LRRC2: variants seen among roughly 807,000 people sequenced by gnomAD.
LRRC2 encodes leucine-rich repeat-containing protein 2.
A neutral mutation model predicts 40.2 loss-of-function variants in LRRC2; 27 were observed. The observed-to-expected ratio is 0.67, with a 90% CI of 0.49 to 0.93. The LOEUF is 0.93. Ranked by LOEUF, LRRC2 falls within the 40% of genes least tolerant of loss-of-function variation. The probability of loss-of-function intolerance (pLI) is 0.00; values close to 1 mark genes in which losing one functional copy is unlikely to be tolerated. For synonymous variants in LRRC2, 147 were observed against 158.9 expected (o/e 0.92, Z 0.56); for missense variants, 402 against 439.6 (o/e 0.91, Z 0.76).
In LRRC2 at chr3:46,529,952, C is replaced by T. The variant is rs749506459; in HGVS notation, c.726G>A (p.Leu242=). The T allele has an allele frequency of 2.5e-6, 4 of 1,613,960 alleles. No individual in the cohort carries two copies. In the African/African-American group the frequency reaches 5.3e-5, roughly 22 times the overall value. The part of the protein sequence containing the change: ...CVLRMSNLQW[L]DISSNNLTDL... ...CGGTCAGGTTATTGCTGCTGATATC[C>T]AACCACTGCAAATTCGACATCCGCA... The change falls in exon 6 of 9, where the codon TTG becomes TTA. Residue 242 remains leucine (L), a synonymous_variant. Coordinates refer to ENST00000395905, the MANE Select transcript of LRRC2 (RefSeq NM_024512.5).
intron 1 of LRRC2, among the ~76,000 whole-genome samples, chr3:46,563,985 G>GTAC (rs1340051787): frequency 6.6e-6 from 1 of 152,204 alleles, no homozygotes; most frequent in Non-Finnish European, 1.5e-5. Flanking sequence ...TACTTAGTTT[G>GTAC]TATTTCTGTT....
Position 46,530,064 on chromosome 3 carries a change from A to G in LRRC2, c.628-14T>C. On this transcript the variant is annotated splice_polypyrimidine_tract_variant and intron_variant, in intron 5 of 8. Transcript: ENST00000395905. ...CAAATTACTTAACTAGAAATGAATAACAAAATGTTCTAATTACTTTTATAA... is the reference window on the plus strand; with the variant it reads ...CAAATTACTTAACTAGAAATGAATAGCAAAATGTTCTAATTACTTTTATAA... The G allele has an allele frequency of 6.3e-7, 1 of 1,588,550 alleles. No homozygotes were observed.
At chr3:46,533,702 T>TTTCCTTCC (rs372699647) in intron 4 of LRRC2, among the ~76,000 whole-genome samples, 23,672 of 89,042 alleles carry the variant, frequency 0.27, 2,729 homozygotes, top group East Asian at 0.3. Flanking sequence ...GTATTCACAG[T>TTTCCTTCC]TTCCTTCCTT....
At chr3:46,548,560 C>T (rs146709440) in intron 2 of LRRC2, among the ~76,000 whole-genome samples, 1 of 152,226 alleles carries the variant, frequency 6.6e-6, no homozygotes, top group African/African-American at 2.4e-5. Flanking sequence ...AAAAAAAATG[C>T]CATTAGAGTT....
chr3:46,547,645 G>C (rs1472525848), intron 2 of LRRC2, among the ~76,000 whole-genome samples: 1 of 151,390 alleles, frequency 6.6e-6, no homozygotes, highest in East Asian at 1.9e-4. Flanking sequence ...AACAGAAAGA[G>C]ACTTGTCCCA....
chr3:46,530,307 T>C (rs1461496908), intron 5 of LRRC2, among the ~76,000 whole-genome samples: 2 of 152,056 alleles, frequency 1.3e-5, no homozygotes, highest in African/African-American at 4.8e-5. Context: ...AAGCTGGGCG[T>C]GGTTGCTCAT....
intron 2 of LRRC2, among the ~76,000 whole-genome samples, chr3:46,549,612 A>T (rs1052269534): frequency 4.6e-5 from 7 of 152,238 alleles, no homozygotes; most frequent in Non-Finnish European, 2.9e-5. Flanking sequence ...AGTCAAGCTC[A>T]ATCCTATGTA....
rs369355200 is a variant in LRRC2, at chr3:46,519,033, G to T, written c.1097C>A (p.Ser366Tyr). The stretch of plus-strand genomic sequence containing the variant: ...TGGATATCAAAGTTGAAGGCTAAAA[G>T]ACACTTTGGTGGTATAGCTGGGAAC... ...ESVPSYTTKV[S>Y]FSLQL Residue 366 changes from serine (S) to tyrosine (Y), a missense_variant, in exon 9 of 9, where the codon TCT (serine) becomes TAT (tyrosine). Physicochemically the swap from Ser to Tyr is moderately radical, Grantham distance 144 (BLOSUM62 -2). Transcript: ENST00000395905. The T allele has an allele frequency of 1.9e-5, 31 of 1,609,534 alleles. No homozygotes were observed. In the African/African-American group the frequency reaches 3.1e-4, roughly 16 times the overall value.
chr3:46,562,075 T>C (rs1704957167), intron 1 of LRRC2, among the ~76,000 whole-genome samples: 2 of 152,196 alleles, frequency 1.3e-5, no homozygotes, highest in African/African-American at 4.8e-5. Context: ...TCCTCCCCCC[T>C]TGAGCATGGG....
In LRRC2 at chr3:46,547,706, A is replaced by ATG. The variant is rs61273277; in HGVS notation, c.126-2455_126-2454dup. Reference sequence around the variant, plus strand: ...ATATATATAACATATGTGTGTGTGTATGTGTGTGTGTGTGTGTGTGTGTGT... The same window carrying ATG: ...ATATATATAACATATGTGTGTGTGTATGTGTGTGTGTGTGTGTGTGTGTGTGT... On this transcript the variant is annotated intron_variant, in intron 2 of 8. Coordinates refer to ENST00000395905, the MANE Select transcript of LRRC2 (RefSeq NM_024512.5). 5.1e-3 allele frequency among the ~76,000 whole-genome samples: 761 copies of ATG among 149,986 alleles called. 5 individuals are homozygous for ATG. Among genetic ancestry groups the ATG allele is most frequent in the African/African-American group, 0.017 (708 of 40,874 alleles).
intron 7 of LRRC2, among the ~76,000 whole-genome samples, chr3:46,523,732 TATCC>T (rs1704006574): frequency 6.6e-6 from 1 of 151,856 alleles, no homozygotes; most frequent in South Asian, 2.1e-4. Flanking sequence ...TCTACCCATC[TATCC>T]ATCCATCTAT....
In LRRC2 at chr3:46,539,111, A is replaced by G. The variant is rs1188003310; in HGVS notation, c.424T>C (p.Leu142=). 4 of 1,613,866 alleles carry G rather than the reference A, an allele frequency of 2.5e-6. No individual in the cohort carries two copies. The highest frequency in any genetic ancestry group is 3.4e-6 in the Non-Finnish European group (4 of 1,179,910). ...LIQIIPTYIQ[L]FQAMRILDLP... is the part of the protein sequence containing the mutation. ...TCCAGAATTCTCATCGCTTGAAATA[A>G]CTGAATATATGTAGGAATGATTTGA... The change falls in exon 4 of 9, where the codon TTA becomes CTA. Residue 142 remains leucine, a synonymous_variant. Coordinates refer to ENST00000395905, the MANE Select transcript of LRRC2 (RefSeq NM_024512.5).
At chr3:46,551,445 A>G in intron 2 of LRRC2, 22 bp downstream of exon 2, 1 of 1,611,036 alleles carries the variant, frequency 6.2e-7, no homozygotes, top group East Asian at 2.2e-5. Flanking sequence ...AAGCTACAAG[A>G]CTAGGTTGAG....
In LRRC2 at chr3:46,548,973, C is replaced by A. The variant is rs530470012; in HGVS notation, c.125+2494G>T. ...AGCTCAGGTGGTAATGCCCGCTTGC[C>A]CCCTGCACACCTCCTGCTGTGTGGC... On this transcript the variant is annotated intron_variant, in intron 2 of 8. Coordinates refer to ENST00000395905, the MANE Select transcript of LRRC2 (RefSeq NM_024512.5). Among the ~76,000 whole-genome samples the A allele has an allele frequency of 2.8e-4, 36 of 128,988 alleles. 1 individual carries two copies. In the South Asian group the frequency reaches 0.01, roughly 37 times the overall value. 84.6% of individuals were successfully genotyped at this position (128,988 alleles called of 152,430 possible).
intron 3 of LRRC2, among the ~76,000 whole-genome samples, chr3:46,542,032 G>A (rs72902148): frequency 2.3e-4 from 35 of 152,098 alleles, no homozygotes; most frequent in African/African-American, 8.4e-4. Context: ...ATAGGAGAGG[G>A]GAGGCACCAG....
intron 4 of LRRC2, among the ~76,000 whole-genome samples, chr3:46,533,741 CCTTCCTT>C (rs1704203880): frequency 9.0e-6 from 1 of 111,214 alleles, no homozygotes; most frequent in African/African-American, 3.5e-5. Context: ...TTCCTTCCTT[CCTTCCTT>C]CTTCCTTCCC....
intron 4 of LRRC2, 75 bp downstream of exon 4, chr3:46,538,970 C>A: frequency 6.8e-7 from 1 of 1,478,934 alleles, no homozygotes; most frequent in Admixed American, 2.0e-5. Flanking sequence ...GGTGTCTGCA[C>A]AGTGTCTGTC....
chr3:46,555,193 T>C (rs1352944009), intron 1 of LRRC2, among the ~76,000 whole-genome samples: 1 of 152,194 alleles, frequency 6.6e-6, no homozygotes, highest in Non-Finnish European at 1.5e-5. Flanking sequence ...ATTTTGTGAG[T>C]TGCTTTTCAC....
intron 5 of LRRC2, among the ~76,000 whole-genome samples, chr3:46,532,386 C>T (rs1704177964): frequency 6.6e-6 from 1 of 152,140 alleles, no homozygotes; most frequent in South Asian, 2.1e-4. Flanking sequence ...AGGTGGATCA[C>T]CTGAAGTCAG....
Sources: gnomAD v4.1 joint callset for allele counts (sites outside exome capture counted in the v4.1 genomes callset) on GRCh38, gnomAD v4.1.1 for gene constraint, MANE v1.5 for transcripts, NCBI Gene and HGNC (gene_info 2026-07-23, HGNC 2026-07-21) for gene names.